GPN3: variants seen among roughly 807,000 people sequenced by gnomAD.
The protein encoded by GPN3 is GPN-loop GTPase 3.
Under a neutral mutation model 38.7 loss-of-function variants are expected in GPN3, and 31 were observed. The ratio of observed to expected loss-of-function variants is 0.80; its 90% CI spans 0.60 to 1.08. The LOEUF is 1.08. Among genes scored for constraint, GPN3 ranks in the 50% least tolerant of loss-of-function variants. The pLI is 0.00. For synonymous variants in GPN3, 116 were observed against 120.2 expected (o/e 0.96, Z 0.23); for missense variants, 301 against 354.4 (o/e 0.85, Z 1.21).
rs977354127 is a variant in GPN3 at position 110,454,310 on chromosome 12, A to G, written c.664-439T>C. 2.6e-5 allele frequency among the ~76,000 whole-genome samples: 4 copies of G among 152,072 alleles called. No individual in the cohort carries two copies. In the East Asian group the frequency reaches 7.7e-4, roughly 29 times the overall value. ...AATAGGGTTGAACTGTGCTTTTTAT[A>G]TGGCAAATGACTGGACACAGGCAAA... is the stretch of plus-strand genomic sequence containing the variant. On this transcript the variant is annotated intron_variant, in intron 6 of 7. Coordinates refer to ENST00000228827, the MANE Select transcript of GPN3 (RefSeq NM_016301.4).
intron 1 of GPN3, among the ~76,000 whole-genome samples, chr12:110,466,590 G>A (rs962396572): frequency 2.0e-5 from 3 of 150,836 alleles, no homozygotes; most frequent in Non-Finnish European, 4.4e-5. Context: ...CTTTGACCCA[G>A]GCTCAAGCGA....
Position 110,457,639 on chromosome 12 carries a change from A to G in GPN3, c.326-5T>C, listed in dbSNP as rs2062559970. 1 of 1,578,448 alleles carries G rather than the reference A, an allele frequency of 6.3e-7. No individual in the cohort carries two copies. Among genetic ancestry groups the G allele is most frequent in the Admixed American group, 2.0e-5 (1 of 50,854 alleles). The stretch of plus-strand genomic sequence containing the variant: ...GAGTGTACAACTCAATCTGACCTAC[A>G]TGAAGAGTATTGCAAGAATTTTAGA... On this transcript the variant is annotated splice_polypyrimidine_tract_variant and splice_region_variant and intron_variant, in intron 3 of 7. Coordinates refer to ENST00000228827, the MANE Select transcript of GPN3 (RefSeq NM_016301.4).
rs538509452 is a variant in GPN3, at chr12:110,467,189, C to A, written c.48+967G>T. The stretch of plus-strand genomic sequence containing the variant: ...TTTTTTTGTAGAGACAGAGTTTCGC[C>A]GTGTTGCCAAGGCTGGTCCCAAACT... On this transcript the variant is annotated intron_variant, in intron 1 of 7. Coordinates refer to ENST00000228827, the MANE Select transcript of GPN3 (RefSeq NM_016301.4). 2.6e-5 allele frequency among the ~76,000 whole-genome samples: 4 copies of A among 152,038 alleles called. No individual in the cohort carries two copies. The East Asian group carries it at 7.7e-4, about 29-fold the overall frequency.
chr12:110,459,978 T>C, intron 2 of GPN3, 116 bp from the exon 3 acceptor site: 3 of 772,964 alleles, frequency 3.9e-6, no homozygotes, highest in Non-Finnish European at 6.3e-6. Flanking sequence ...CAGGAAATTA[T>C]TTATGTACAT....
rs1052925874 is a variant in GPN3, at chr12:110,455,597, T to C, written c.652A>G (p.Ile218Val). The C allele has an allele frequency of 1.1e-5, 15 of 1,399,128 alleles. No homozygotes were observed. The highest frequency in any genetic ancestry group is 2.3e-5 in the South Asian group (2 of 85,636). 86.7% of individuals were successfully genotyped at this position (1,399,128 alleles called of 1,614,324 possible). Residue 218 changes from isoleucine (I) to valine (V), a missense_variant, in exon 6 of 8, where the codon ATA becomes GTA. Physicochemically the swap from Ile to Val is conservative, Grantham distance 29. Transcript: ENST00000228827. ...CTTTAAAAGCTTACCAGTCCACATA[T>C]AGCTTTAGTCAGTTTCTTGAATTTT... The part of the protein sequence containing the change: ...SKKFKKLTKA[I>V]CGLIDDYSMV...
At chr12:110,464,456 C>A (rs1433565215) in intron 2 of GPN3, among the ~76,000 whole-genome samples, 1 of 151,654 alleles carries the variant, frequency 6.6e-6, no homozygotes, top group African/African-American at 2.4e-5. Context: ...CTTGAATGAA[C>A]AAATTGAAAG....
chr12:110,466,673 T>C (rs991963263), intron 1 of GPN3, among the ~76,000 whole-genome samples: 20 of 152,244 alleles, frequency 1.3e-4, no homozygotes, highest in African/African-American at 4.8e-4. Context: ...TTTTTGTATT[T>C]TTGGTAGAGA....
chr12:110,468,393 G>T (rs2062652884), upstream of GPN3: 11 of 1,525,928 alleles, frequency 7.2e-6, no homozygotes, highest in Non-Finnish European at 9.7e-6. Flanking sequence ...AAAAGGGGAG[G>T]GGCGAGGGAG....
At chr12:110,454,543 G>A (rs2062536514) in intron 6 of GPN3, among the ~76,000 whole-genome samples, 1 of 151,770 alleles carries the variant, frequency 6.6e-6, no homozygotes. Flanking sequence ...GTACAGACGG[G>A]GTTTCACCAT....
intron 1 of GPN3, 41 bp downstream of exon 1, chr12:110,468,115 C>T (rs893557780): frequency 1.9e-6 from 3 of 1,614,058 alleles, no homozygotes; most frequent in South Asian, 1.1e-5. Flanking sequence ...CCGCCTTCCA[C>T]GAACTCCTAC....
chr12:110,463,813 C>T (rs985732871), intron 2 of GPN3, among the ~76,000 whole-genome samples: 30 of 150,618 alleles, frequency 2.0e-4, no homozygotes, highest in African/African-American at 6.8e-4. Flanking sequence ...AAACGTGTAT[C>T]AAATGTCAAT....
chr12:110,457,440 A>G (rs2062557661), intron 4 of GPN3, 70 bp downstream of exon 4: 1 of 1,315,850 alleles, frequency 7.6e-7, no homozygotes, highest in Non-Finnish European at 1.0e-6. Flanking sequence ...CAACAGAGTA[A>G]GACTCTGTCA....
At chr12:110,465,079 TG>T (rs902685678) in intron 2 of GPN3, 26 bp downstream of exon 2, 10 of 1,173,272 alleles carry the variant, frequency 8.5e-6, no homozygotes, top group African/African-American at 3.0e-5. Context: ...TTCCTGAAGG[TG>T]GGGGGAGCCT....
chr12:110,455,210 G>A (rs762218848), intron 6 of GPN3, among the ~76,000 whole-genome samples: 5 of 151,700 alleles, frequency 3.3e-5, no homozygotes, highest in Admixed American at 6.6e-5. Context: ...TGCAACCTCC[G>A]CCTCCCGAGT....
At chr12:110,454,601 C>T (rs2062536947) in intron 6 of GPN3, among the ~76,000 whole-genome samples, 1 of 152,066 alleles carries the variant, frequency 6.6e-6, no homozygotes, top group East Asian at 1.9e-4. Context: ...ATCCACCTGC[C>T]TTGGCCTCCC....
chr12:110,460,629 C>T (rs1334941056), intron 2 of GPN3, among the ~76,000 whole-genome samples: 1 of 151,978 alleles, frequency 6.6e-6, no homozygotes, highest in East Asian at 1.9e-4. Context: ...GTCAGGAGTT[C>T]AAGACTAGCC....
intron 2 of GPN3, among the ~76,000 whole-genome samples, chr12:110,462,119 A>G (rs146447597): frequency 4.1e-4 from 63 of 152,294 alleles, no homozygotes; most frequent in African/African-American, 1.4e-3. Context: ...CTGGGATTAC[A>G]GGTGTCAGTC....
intron 2 of GPN3, among the ~76,000 whole-genome samples, chr12:110,462,425 G>C (rs985287593): frequency 6.6e-6 from 1 of 152,016 alleles, no homozygotes; most frequent in African/African-American, 2.4e-5. Flanking sequence ...CCTCACCCTT[G>C]ATTCCTTACT....
Position 110,455,878 on chromosome 12 carries a change from G to T in GPN3, c.503C>A (p.Pro168Gln), listed in dbSNP as rs201061562. 6.2e-7 allele frequency: 1 copy of T among 1,611,282 alleles called. No individual in the cohort carries two copies. Among genetic ancestry groups the T allele is most frequent in the African/African-American group, 1.3e-5 (1 of 74,844 alleles). ...ALSAMISLEI[P>Q]QVNIMTKMDL... is the part of the protein sequence containing the mutation. ...CATTTTTGTCATGATGTTGACTTGC[G>T]GAATTTCTAGAGAGATCATGGCACT... Residue 168 changes from proline (P) to glutamine (Q), a missense_variant, in exon 5 of 8, where the codon CCG becomes CAG. Pro to Gln is a moderately conservative substitution (Grantham distance 76, BLOSUM62 -1). Transcript: ENST00000228827.
Sources: gnomAD v4.1 joint callset for allele counts (sites outside exome capture counted in the v4.1 genomes callset) on GRCh38, gnomAD v4.1.1 for gene constraint, MANE v1.5 for transcripts, NCBI Gene and HGNC (gene_info 2026-07-23, HGNC 2026-07-21) for gene names.